Variants in DIABLO observed in about 807,000 individuals in gnomAD.
DIABLO encodes the protein diablo IAP-binding mitochondrial protein.
In DIABLO, 32 loss-of-function variants were observed where a neutral mutation model predicts 31.7. That is an observed-to-expected ratio of 1.01 (90% CI 0.76 to 1.35). The LOEUF (loss-of-function observed/expected upper bound fraction) is 1.35. DIABLO is among the 40% of genes most tolerant of loss of function. The probability of loss-of-function intolerance (pLI) is 0.00; values close to 1 mark genes in which losing one functional copy is unlikely to be tolerated. For missense variants in DIABLO, 316 were observed against 286.4 expected, an observed-to-expected ratio of 1.10 and a Z score of -0.75; for synonymous variants, 132 against 103.2, an observed-to-expected ratio of 1.28 and a Z score of -1.69.
At chr12:122,227,320 C>A, upstream of DIABLO, 1 of 450,480 alleles carries the variant, frequency 2.2e-6, no homozygotes, top group Non-Finnish European at 4.5e-6. Flanking sequence ...CCCACAGTGT[C>A]AGGCACTGGC....
Position 122,208,391 on chromosome 12 carries a change from C to T in DIABLO, c.710G>A (p.Arg237His), listed in dbSNP as rs551079634. 86 of 1,612,434 alleles carry T rather than the reference C, an allele frequency of 5.3e-5. 1 individual carries two copies. In the South Asian group the frequency reaches 6.4e-4, roughly 12 times the overall value. ...RAESEQEAYL[R>H]ED ...AGTGTGCTCAGGCCCTCAATCCTCACGCAGGTAGGCCTCCTGCTCCGACTC... is the reference window on the plus strand; with the variant it reads ...AGTGTGCTCAGGCCCTCAATCCTCATGCAGGTAGGCCTCCTGCTCCGACTC... The change falls in exon 6 of 6, where the codon CGT becomes CAT. Residue 237 changes from arginine (R) to histidine (H), a missense_variant. Physicochemically the swap from Arg to His is conservative, Grantham distance 29 (BLOSUM62 0). Transcript: ENST00000464942.
At chr12:122,217,014 C>T (rs1954229696) in intron 3 of DIABLO, 145 bp from the exon 4 acceptor site, 2 of 687,952 alleles carry the variant, frequency 2.9e-6, no homozygotes, top group South Asian at 1.5e-5. Context: ...GCACTATTAT[C>T]CTATGAAGTA....
upstream of DIABLO, among the ~76,000 whole-genome samples, chr12:122,226,995 G>C (rs563445255): frequency 5.3e-5 from 8 of 152,322 alleles, no homozygotes; most frequent in Admixed American, 4.6e-4. Context: ...GACCCATTTG[G>C]GCAGGAGGAA....
At chr12:122,224,455 C>T (rs1383316108) in intron 2 of DIABLO, 57 bp downstream of exon 2, 1 of 1,613,272 alleles carries the variant, frequency 6.2e-7, no homozygotes, top group Non-Finnish European at 8.5e-7. Context: ...TCACCGCCCA[C>T]TTGAGACTTC....
In DIABLO at chr12:122,223,451, AT is replaced by A. The variant is rs1238255006; in HGVS notation, c.183+1060del. 4.7e-3 allele frequency among the ~76,000 whole-genome samples: 705 copies of A among 151,028 alleles called. 8 individuals are homozygous for A. The highest frequency in any genetic ancestry group is 0.015 in the African/African-American group (596 of 40,798). On this transcript the variant is annotated intron_variant, in intron 2 of 5. Coordinates refer to ENST00000464942, the MANE Select transcript of DIABLO (RefSeq NM_001371333.1). The stretch of plus-strand genomic sequence containing the variant: ...CTGTCTTTAAAAAAAAAAAAAAAAA[AT>A]ATCTTCTGCGGCTTCTTTTTCAGAA...
chr12:122,219,842 G>A (rs1954295948), intron 2 of DIABLO, among the ~76,000 whole-genome samples: 1 of 150,838 alleles, frequency 6.6e-6, no homozygotes, highest in Non-Finnish European at 1.5e-5. Context: ...TCCAGCCTGG[G>A]CGACAGAGCA....
At chr12:122,214,381 C>G (rs571703583) in intron 5 of DIABLO, among the ~76,000 whole-genome samples, 1 of 152,036 alleles carries the variant, frequency 6.6e-6, no homozygotes, top group African/African-American at 2.4e-5. Context: ...GATTGAGAAC[C>G]CTAGCCTGCT....
At chr12:122,209,648 GT>G (rs1341325322) in intron 5 of DIABLO, 82 of 673,682 alleles carry the variant, frequency 1.2e-4, no homozygotes, top group African/African-American at 1.1e-3. Flanking sequence ...CTAGGTGAGA[GT>G]GAAACTCGTC....
intron 5 of DIABLO, among the ~76,000 whole-genome samples, chr12:122,214,989 G>A (rs534180151): frequency 1.3e-5 from 2 of 152,332 alleles, no homozygotes; most frequent in Non-Finnish European, 2.9e-5. Flanking sequence ...ATAGGCATGA[G>A]CCACTGCAAC....
At chr12:122,208,763 A>G in intron 5 of DIABLO, 186 bp from the exon 6 acceptor site, 1 of 704,934 alleles carries the variant, frequency 1.4e-6, no homozygotes, top group South Asian at 1.5e-5. Flanking sequence ...TTTAACTGAC[A>G]CTCTGTCAAA....
In DIABLO at chr12:122,210,362, C is replaced by T. The variant is rs376599858; in HGVS notation, c.524-1785G>A. Reference sequence around the variant, plus strand: ...TGGGGACATCAAAATCTTCGAATACCATTTCTACCTTTTTTTTTTTTTTTT... The same window carrying T: ...TGGGGACATCAAAATCTTCGAATACTATTTCTACCTTTTTTTTTTTTTTTT... On this transcript the variant is annotated intron_variant, in intron 5 of 5. Transcript: ENST00000464942. Among the ~76,000 whole-genome samples, 595 of 142,730 alleles carry T rather than the reference C, an allele frequency of 4.2e-3. 6 individuals are homozygous for T. Among genetic ancestry groups the T allele is most frequent in the African/African-American group, 0.014 (549 of 39,436 alleles). The allele number at this position is 142,730 out of a possible 152,430, so 93.6% of individuals were successfully genotyped here.
At position 122,207,872 on chromosome 12, in the gene DIABLO, T is replaced by A; in HGVS notation, c.*509A>T. The A allele has an allele frequency of 2.2e-6, 1 of 460,458 alleles. No individual in the cohort carries two copies. Among genetic ancestry groups the A allele is most frequent in the Non-Finnish European group, 4.3e-6 (1 of 231,204 alleles). 28.5% of individuals were successfully genotyped at this position (460,458 alleles called of 1,614,324 possible). A position where few individuals can be genotyped will look rare whatever the true frequency, so the allele number is the denominator to read the frequency against. On this transcript the variant is annotated 3_prime_UTR_variant, in exon 6 of 6. Transcript: ENST00000464942. ...AGGTTTTTCACTCCTTGGCCTCAGCTGTCCTCACAGGACAGTGGGGGCAGA... is the reference window on the plus strand; with the variant it reads ...AGGTTTTTCACTCCTTGGCCTCAGCAGTCCTCACAGGACAGTGGGGGCAGA...
chr12:122,225,510 G>A lies in DIABLO; in HGVS notation c.50+455C>T, dbSNP rs963408035. 5 of 1,055,504 alleles carry A rather than the reference G, an allele frequency of 4.7e-6. No individual in the cohort carries two copies. In the South Asian group the frequency reaches 1.2e-4, roughly 26 times the overall value. 65.4% of individuals were successfully genotyped at this position (1,055,504 alleles called of 1,614,324 possible). A position where few individuals can be genotyped will look rare whatever the true frequency, so the allele number is the denominator to read the frequency against. ...GCCTGGGTGCCAGTTGTGTGTGACG[G>A]TCCCGCTACAATCGCCCAGGAGCCT... On this transcript the variant is annotated intron_variant, in intron 1 of 5. Coordinates refer to ENST00000464942, the MANE Select transcript of DIABLO (RefSeq NM_001371333.1).
At chr12:122,215,467 G>C (rs1301052246) in intron 5 of DIABLO, among the ~76,000 whole-genome samples, 1 of 152,046 alleles carries the variant, frequency 6.6e-6, no homozygotes, top group Non-Finnish European at 1.5e-5. Flanking sequence ...AGCTGGGCGT[G>C]GTGGCGGGTG....
At chr12:122,221,856 C>A (rs1954341087) in intron 2 of DIABLO, 1 of 151,990 alleles carries the variant, frequency 6.6e-6, no homozygotes, top group Non-Finnish European at 1.5e-5. Context: ...ATGAAAAAAA[C>A]AAAGGTTGTC....
At position 122,208,095 on chromosome 12, in the gene DIABLO, G is replaced by C; in HGVS notation, c.*286C>G. 1.6e-6 allele frequency: 1 copy of C among 630,716 alleles called. No individual in the cohort carries two copies. Among genetic ancestry groups the C allele is most frequent in the Non-Finnish European group, 2.9e-6 (1 of 340,668 alleles). 39.1% of individuals were successfully genotyped at this position (630,716 alleles called of 1,614,324 possible). A position where few individuals can be genotyped will look rare whatever the true frequency, so the allele number is the denominator to read the frequency against. On this transcript the variant is annotated 3_prime_UTR_variant, in exon 6 of 6. Transcript: ENST00000464942. ...AGGACTCCTCTCTCTGACCCAGGTA[G>C]GCAAAATGCTTTGGGTGTGAGGTAA...
chr12:122,217,727 A>G (rs2136097952), intron 3 of DIABLO: 1 of 157,746 alleles, frequency 6.3e-6, no homozygotes, highest in African/African-American at 2.4e-5. Context: ...TGCTACATTG[A>G]CTGGGTTGGT....
chr12:122,217,003 T>A, intron 3 of DIABLO, 134 bp from the exon 4 acceptor site: 2 of 720,994 alleles, frequency 2.8e-6, no homozygotes, highest in Middle Eastern at 2.8e-4. Context: ...TCAATGAAAT[T>A]GCACTATTAT....
At chr12:122,209,628 TCACTC>T (rs1954032673) in intron 5 of DIABLO, 4 of 634,232 alleles carry the variant, frequency 6.3e-6, no homozygotes, top group South Asian at 1.8e-5. Flanking sequence ...TCGCGCCACT[TCACTC>T]CAGCCTAGGT....
Sources: gnomAD v4.1 joint callset for allele counts (sites outside exome capture counted in the v4.1 genomes callset) on GRCh38, gnomAD v4.1.1 for gene constraint, MANE v1.5 for transcripts, NCBI Gene and HGNC (gene_info 2026-07-23, HGNC 2026-07-21) for gene names.